The following FAM3C variants were observed in gnomAD, a reference collection of about 807,000 sequenced individuals.
FAM3C encodes FAM3 metabolism regulating signaling molecule C, also known as protein FAM3C.
A neutral mutation model predicts 32.5 loss-of-function variants in FAM3C; 15 were observed. The ratio of observed to expected loss-of-function variants is 0.46; its 90% CI spans 0.31 to 0.71. The LOEUF (loss-of-function observed/expected upper bound fraction) is 0.71, where lower values mean the gene tolerates loss of function less well. Ranked by LOEUF, FAM3C falls within the 30% of genes least tolerant of loss-of-function variation. FAM3C has a pLI of 0.05. For synonymous variants in FAM3C, 75 were observed against 86.1 expected (o/e 0.87, Z 0.72); for missense variants, 175 against 274.4 (o/e 0.64, Z 2.56).
chr7:121,367,201 G>C (rs1255588212), intron 5 of FAM3C, among the ~76,000 whole-genome samples: 1 of 151,974 alleles, frequency 6.6e-6, no homozygotes, highest in African/African-American at 2.4e-5. Flanking sequence ...CACATCTCTA[G>C]GCAAAATTCT....
At chr7:121,379,979 T>A (rs1461435377) in intron 2 of FAM3C, among the ~76,000 whole-genome samples, 1 of 152,250 alleles carries the variant, frequency 6.6e-6, no homozygotes, top group African/African-American at 2.4e-5. Context: ...ATCTGCTTCC[T>A]ATTTTCAAGA....
At chr7:121,390,984 T>C (rs570751998) in intron 1 of FAM3C, among the ~76,000 whole-genome samples, 1 of 151,700 alleles carries the variant, frequency 6.6e-6, no homozygotes, top group African/African-American at 2.4e-5. Flanking sequence ...TCAGTTTTGG[T>C]GGGCAACAGA....
chr7:121,376,899 C>T (rs773452033), intron 3 of FAM3C, among the ~76,000 whole-genome samples: 3 of 152,086 alleles, frequency 2.0e-5, no homozygotes, highest in Non-Finnish European at 4.4e-5. Flanking sequence ...CAGAAATCTA[C>T]GTTTACTAAG....
At chr7:121,356,256 T>C (rs966874775) in intron 8 of FAM3C, among the ~76,000 whole-genome samples, 1 of 152,202 alleles carries the variant, frequency 6.6e-6, no homozygotes, top group African/African-American at 2.4e-5. Context: ...TGTGTTTGAT[T>C]TGATGCATTC....
chr7:121,359,904 G>GT (rs1562884376), intron 8 of FAM3C, 139 bp downstream of exon 8: 1 of 608,942 alleles, frequency 1.6e-6, no homozygotes. Flanking sequence ...AGGAGGCAAA[G>GT]TAAAAACAAA....
At chr7:121,395,980 C>G (rs1447934476) in intron 1 of FAM3C, among the ~76,000 whole-genome samples, 182 bp downstream of exon 1, 1 of 151,678 alleles carries the variant, frequency 6.6e-6, no homozygotes, top group Non-Finnish European at 1.5e-5. Context: ...ACCCCAGTCC[C>G]GCCTGCGCCC....
In FAM3C at chr7:121,351,244, T is replaced by C; in HGVS notation, c.493A>G (p.Ile165Val). ...ATAGATGTGCTCCCCAAATCAGCAA[T>C]GAGCCGCCGTGCCTCATCATTGAGT... ...TKLNDEARRL[I>V]ADLGSTSITN... is the part of the protein sequence containing the mutation. Residue 165 changes from isoleucine to valine, a missense_variant, in exon 9 of 10, where the codon ATT becomes GTT. Ile to Val is a conservative substitution (Grantham distance 29). Coordinates refer to ENST00000359943, the MANE Select transcript of FAM3C (RefSeq NM_014888.3). 6.2e-7 allele frequency: 1 copy of C among 1,613,594 alleles called. No homozygotes were observed. The highest frequency in any genetic ancestry group is 8.5e-7 in the Non-Finnish European group (1 of 1,179,716).
At chr7:121,389,132 C>T (rs544885918) in intron 1 of FAM3C, among the ~76,000 whole-genome samples, 2 of 152,222 alleles carry the variant, frequency 1.3e-5, no homozygotes, top group South Asian at 4.1e-4. Context: ...CAACTTTTAC[C>T]CAAAGACTTA....
At chr7:121,351,382 A>T in intron 8 of FAM3C, 113 bp from the exon 9 acceptor site, 1 of 980,880 alleles carries the variant, frequency 1.0e-6, no homozygotes, top group Non-Finnish European at 1.4e-6. Context: ...TAAATAACAG[A>T]ACATTTTGGA....
intron 8 of FAM3C, among the ~76,000 whole-genome samples, chr7:121,356,635 G>T (rs763639607): frequency 3.9e-5 from 6 of 152,176 alleles, no homozygotes; most frequent in Non-Finnish European, 8.8e-5. Flanking sequence ...TATTCATAGA[G>T]AACAAGAGAA....
chr7:121,388,155 T>C (rs911793256), intron 1 of FAM3C, among the ~76,000 whole-genome samples: 7 of 151,972 alleles, frequency 4.6e-5, no homozygotes, highest in African/African-American at 1.7e-4. Flanking sequence ...AAAATCTAGT[T>C]ACTAACTTGA....
At chr7:121,351,899 T>C (rs1793713713) in intron 8 of FAM3C, among the ~76,000 whole-genome samples, 1 of 152,148 alleles carries the variant, frequency 6.6e-6, no homozygotes, top group Non-Finnish European at 1.5e-5. Flanking sequence ...AAACTACTAA[T>C]TGAAAGATGT....
intron 5 of FAM3C, among the ~76,000 whole-genome samples, chr7:121,369,588 G>C (rs1014178937): frequency 2.0e-5 from 3 of 152,202 alleles, no homozygotes; most frequent in Non-Finnish European, 4.4e-5. Context: ...CACCATGCTA[G>C]AAGCAAATTC....
intron 1 of FAM3C, among the ~76,000 whole-genome samples, chr7:121,390,493 T>C (rs995844140): frequency 1.3e-5 from 2 of 152,140 alleles, no homozygotes; most frequent in African/African-American, 4.8e-5. Context: ...TAGACTGCCT[T>C]TGTAGGACTA....
At chr7:121,395,532 T>A (rs1794672452) in intron 1 of FAM3C, among the ~76,000 whole-genome samples, 1 of 151,128 alleles carries the variant, frequency 6.6e-6, no homozygotes, top group Non-Finnish European at 1.5e-5. Flanking sequence ...GAGCTCTCAA[T>A]CTCAAATTGC....
At chr7:121,353,506 C>T (rs147255327) in intron 8 of FAM3C, among the ~76,000 whole-genome samples, 3 of 152,330 alleles carry the variant, frequency 2.0e-5, no homozygotes, top group Non-Finnish European at 4.4e-5. Flanking sequence ...AAGACTGACC[C>T]TTGGCTATCT....
chr7:121,355,069 C>T (rs1793780914), intron 8 of FAM3C, among the ~76,000 whole-genome samples: 1 of 152,164 alleles, frequency 6.6e-6, no homozygotes, highest in Non-Finnish European at 1.5e-5. Context: ...GCCACAGAAA[C>T]AGCTTTTGCT....
intron 1 of FAM3C, among the ~76,000 whole-genome samples, chr7:121,394,317 C>A (rs1189731962): frequency 6.6e-6 from 1 of 152,202 alleles, no homozygotes; most frequent in Non-Finnish European, 1.5e-5. Flanking sequence ...ATTTCCTTTT[C>A]CTTTTTAATG....
chr7:121,392,042 A>C (rs1794587808), intron 1 of FAM3C, among the ~76,000 whole-genome samples: 1 of 152,196 alleles, frequency 6.6e-6, no homozygotes, highest in South Asian at 2.1e-4. Context: ...ACTGCAGCCA[A>C]TCAAATATTT....
Sources: gnomAD v4.1 joint callset for allele counts (sites outside exome capture counted in the v4.1 genomes callset) on GRCh38, gnomAD v4.1.1 for gene constraint, MANE v1.5 for transcripts, NCBI Gene and HGNC (gene_info 2026-07-23, HGNC 2026-07-21) for gene names.